RGS6: variants seen among roughly 807,000 people sequenced by gnomAD.
RGS6 encodes the protein regulator of G-protein signaling 6.
RGS6 carries 30 observed loss-of-function variants against 78.5 expected under a neutral mutation model. The ratio of observed to expected loss-of-function variants is 0.38; its 90% CI spans 0.29 to 0.52. RGS6 has a LOEUF of 0.52. RGS6 is among the 20% of genes least tolerant of loss of function. The pLI is 0.85. For synonymous variants in RGS6, 206 were observed against 206.0 expected (o/e 1.00, Z 0.00); for missense variants, 495 against 609.7 (o/e 0.81, Z 1.98).
chr14:72,210,149 T>C (rs562487068), intron 2 of RGS6, among the ~76,000 whole-genome samples: 11 of 152,174 alleles, frequency 7.2e-5, no homozygotes, highest in African/African-American at 2.6e-4. Flanking sequence ...AATTATCTAA[T>C]AAAGTGTTCA....
the RGS6 span, among the ~76,000 whole-genome samples, chr14:72,604,824 C>G: frequency 2.0e-5 from 3 of 152,118 alleles, no homozygotes; most frequent in African/African-American, 7.2e-5. Context: ...CTCAAGGTTT[C>G]AAGGGGGTTG....
chr14:72,283,309 TC>T lies in RGS6; in HGVS notation c.85-68785del, dbSNP rs757899638. Among the ~76,000 whole-genome samples, 4 of 152,270 alleles carry T rather than the reference TC, an allele frequency of 2.6e-5. No individual in the cohort carries two copies. In the South Asian group the frequency reaches 6.2e-4, roughly 24 times the overall value. ...TATACCCAGAAGTGGGATCACTGGA[TC>T]ATATGATAGTGCTATTTTTAATGTT... On this transcript the variant is annotated intron_variant, in intron 2 of 17. Transcript: ENST00000553525.
intron 2 of RGS6, among the ~76,000 whole-genome samples, chr14:72,142,248 T>C (rs2096550013): frequency 6.6e-6 from 1 of 152,146 alleles, no homozygotes; most frequent in African/African-American, 2.4e-5. Context: ...AGCTTTTATT[T>C]TGGTAACAAT....
chr14:72,224,896 G>T (rs2047748510), intron 2 of RGS6, among the ~76,000 whole-genome samples: 1 of 152,034 alleles, frequency 6.6e-6, no homozygotes, highest in Non-Finnish European at 1.5e-5. Flanking sequence ...TGGTTTGTGT[G>T]GGAAAAATGG....
intron 13 of RGS6, among the ~76,000 whole-genome samples, chr14:72,508,276 G>T (rs1371124496): frequency 1.3e-5 from 2 of 152,202 alleles, no homozygotes; most frequent in Non-Finnish European, 2.9e-5. Context: ...TGAAGAAGTA[G>T]TTGGGTTTGG....
At chr14:72,495,806 T>C (rs2096637370) in intron 13 of RGS6, among the ~76,000 whole-genome samples, 1 of 152,310 alleles carries the variant, frequency 6.6e-6, no homozygotes, top group East Asian at 1.9e-4. Flanking sequence ...CACTCTGTTC[T>C]TCTGGAGTAA....
intron 2 of RGS6, among the ~76,000 whole-genome samples, chr14:72,086,009 G>T (rs2332752): frequency 6.6e-6 from 1 of 152,002 alleles, no homozygotes; most frequent in African/African-American, 2.4e-5. Context: ...TTTTTTTCCT[G>T]TCCTCTTCTT....
At chr14:71,879,172 G>A in the RGS6 span, among the ~76,000 whole-genome samples, 3,469 of 152,184 alleles carry the variant, frequency 0.023, 62 homozygotes, top group Middle Eastern at 0.065. Context: ...ACTCAATATG[G>A]ATTTATAGAA....
the RGS6 span, among the ~76,000 whole-genome samples, chr14:71,883,224 G>C: frequency 6.6e-6 from 1 of 152,160 alleles, no homozygotes; most frequent in East Asian, 1.9e-4. Context: ...GCTAAAGGCC[G>C]ACTAGTTCCC....
At chr14:71,874,008 T>C in the RGS6 span, among the ~76,000 whole-genome samples, 3 of 152,190 alleles carry the variant, frequency 2.0e-5, no homozygotes, top group African/African-American at 7.2e-5. Context: ...TATATCTCTG[T>C]TTTGGTACCA....
chr14:72,362,191 T>C (rs1392335917), intron 3 of RGS6, among the ~76,000 whole-genome samples: 1 of 152,030 alleles, frequency 6.6e-6, no homozygotes, highest in Non-Finnish European at 1.5e-5. Flanking sequence ...AAGCTATTAA[T>C]CTAGTGAGAG....
chr14:71,869,901 C>G, the RGS6 span, among the ~76,000 whole-genome samples: 2 of 152,200 alleles, frequency 1.3e-5, no homozygotes, highest in Admixed American at 6.5e-5. Context: ...CTTGCCCTCT[C>G]TCTTTCTGCC....
intron 2 of RGS6, among the ~76,000 whole-genome samples, chr14:72,289,512 C>T (rs1258692263): frequency 6.6e-6 from 1 of 152,118 alleles, no homozygotes; most frequent in East Asian, 1.9e-4. Context: ...CATTCCCCAC[C>T]CCTGCTCTTA....
intron 2 of RGS6, among the ~76,000 whole-genome samples, chr14:72,032,407 T>C (rs1335317032): frequency 6.7e-6 from 1 of 150,230 alleles, no homozygotes; most frequent in Non-Finnish European, 1.5e-5. Context: ...GTAATTGGCA[T>C]ATCTTTGATT....
the RGS6 span, among the ~76,000 whole-genome samples, chr14:72,604,478 A>G: frequency 6.6e-6 from 1 of 152,222 alleles, no homozygotes; most frequent in Admixed American, 6.5e-5. Context: ...TAAAGGCAAC[A>G]ATGTACATGC....
chr14:72,332,311 C>T (rs2075228054), intron 2 of RGS6, among the ~76,000 whole-genome samples: 1 of 152,182 alleles, frequency 6.6e-6, no homozygotes, highest in Non-Finnish European at 1.5e-5. Context: ...CCAGGCCAGG[C>T]GGTAGGTTTG....
At position 72,453,477 on chromosome 14, in the gene RGS6, G is replaced by A. The variant is rs552496372; in HGVS notation, c.185-1051G>A. ...AAAAATACAAAAAAATTAGCCGGGC[G>A]TAGTGGCAGGCGCCTGTAGTCCCAG... is the stretch of plus-strand genomic sequence containing the variant. On this transcript the variant is annotated intron_variant, in intron 3 of 17. Transcript: ENST00000553525. Among the ~76,000 whole-genome samples the A allele has an allele frequency of 8.7e-5, 13 of 149,030 alleles. No homozygotes were observed. In the South Asian group the frequency reaches 1.3e-3, roughly 15 times the overall value.
chr14:72,190,847 C>A (rs2097314773), intron 2 of RGS6, among the ~76,000 whole-genome samples: 1 of 152,130 alleles, frequency 6.6e-6, no homozygotes, highest in Non-Finnish European at 1.5e-5. Context: ...GCTGTTCAAT[C>A]CTACATGAGG....
At chr14:72,295,931 C>T (rs1175946202) in intron 2 of RGS6, among the ~76,000 whole-genome samples, 1 of 152,202 alleles carries the variant, frequency 6.6e-6, no homozygotes, top group Non-Finnish European at 1.5e-5. Context: ...ACAGTTTGAT[C>T]TGTGTTGACT....
Sources: allele counts gnomAD v4.1 joint callset (sites outside exome capture counted in the v4.1 genomes callset), GRCh38; gene constraint gnomAD v4.1.1; transcripts MANE v1.5; gene names NCBI Gene and HGNC (gene_info 2026-07-23, HGNC 2026-07-21).